CCNY: variants seen among roughly 807,000 people sequenced by gnomAD.
CCNY encodes the protein cyclin-Y.
A neutral mutation model predicts 42.8 loss-of-function variants in CCNY; 19 were observed. The ratio of observed to expected loss-of-function variants is 0.44; its 90% CI spans 0.31 to 0.65. The LOEUF (loss-of-function observed/expected upper bound fraction) is 0.65, where lower values mean the gene tolerates loss of function less well. Among genes scored for constraint, CCNY ranks in the 30% least tolerant of loss-of-function variants. The pLI is 0.07. For missense variants in CCNY, 370 were observed against 437.3 expected (o/e 0.85, Z 1.37); for synonymous variants, 165 against 162.7 (o/e 1.01, Z -0.11).
chr10:35,380,192 G>T (rs1385539879), intron 1 of CCNY, among the ~76,000 whole-genome samples: 3 of 152,246 alleles, frequency 2.0e-5, no homozygotes, highest in Admixed American at 1.3e-4. Context: ...GGATCTGGAA[G>T]TGCTGCTCCC....
At chr10:35,483,195 C>T (rs531187497) in intron 1 of CCNY, among the ~76,000 whole-genome samples, 1 of 152,238 alleles carries the variant, frequency 6.6e-6, no homozygotes, top group Admixed American at 6.5e-5. Flanking sequence ...AGATGTCTAG[C>T]CAACTGTCTA....
chr10:35,374,665 T>G (rs572486126), intron 1 of CCNY, among the ~76,000 whole-genome samples: 1 of 152,330 alleles, frequency 6.6e-6, no homozygotes, highest in African/African-American at 2.4e-5. Context: ...TGTGAACTGT[T>G]TCTTGGTTTG....
chr10:35,555,640 T>A (rs1841348505), intron 8 of CCNY, among the ~76,000 whole-genome samples: 1 of 152,228 alleles, frequency 6.6e-6, no homozygotes, highest in African/African-American at 2.4e-5. Flanking sequence ...CCAGGTGACT[T>A]GACTAGTAAG....
chr10:35,438,327 AT>A (rs869157453), intron 1 of CCNY, among the ~76,000 whole-genome samples: 9 of 148,446 alleles, frequency 6.1e-5, no homozygotes, highest in Middle Eastern at 3.5e-3. Flanking sequence ...TAAAAAAAAA[AT>A]TTTTTTTTTT....
At chr10:35,444,989 TATTTG>T (rs1838759557) in intron 1 of CCNY, among the ~76,000 whole-genome samples, 1 of 152,136 alleles carries the variant, frequency 6.6e-6, no homozygotes, top group African/African-American at 2.4e-5. Context: ...AAATTTTTAG[TATTTG>T]TGGTTTGGCT....
chr10:35,363,799 C>T (rs994983616), intron 1 of CCNY, among the ~76,000 whole-genome samples: 4 of 152,096 alleles, frequency 2.6e-5, no homozygotes, highest in Admixed American at 1.3e-4. Context: ...AGTGAACCAG[C>T]AATATAATTT....
At chr10:35,554,598 C>T (rs1486522509) in intron 8 of CCNY, among the ~76,000 whole-genome samples, 1 of 152,132 alleles carries the variant, frequency 6.6e-6, no homozygotes. Context: ...TCATTTGACA[C>T]TGAACAGCAC....
At chr10:35,408,465 T>G (rs565903141) in intron 1 of CCNY, among the ~76,000 whole-genome samples, 1 of 151,312 alleles carries the variant, frequency 6.6e-6, no homozygotes, top group African/African-American at 2.4e-5. Flanking sequence ...TTAAGAGCAA[T>G]GTTTTGGGGG....
intron 7 of CCNY, among the ~76,000 whole-genome samples, chr10:35,552,478 C>T (rs988551803): frequency 1.3e-5 from 2 of 152,128 alleles, no homozygotes; most frequent in African/African-American, 4.8e-5. Context: ...ATGTGGTAAC[C>T]ACCACACTGC....
intron 3 of CCNY, among the ~76,000 whole-genome samples, chr10:35,255,865 G>C (rs1565053733): frequency 6.6e-6 from 1 of 152,156 alleles, no homozygotes; most frequent in Non-Finnish European, 1.5e-5. Context: ...AAAATACTGG[G>C]ATTACAGGTG....
At chr10:35,477,122 A>C (rs988216197) in intron 1 of CCNY, among the ~76,000 whole-genome samples, 3 of 152,052 alleles carry the variant, frequency 2.0e-5, no homozygotes, top group Non-Finnish European at 2.9e-5. Flanking sequence ...CAATAACAGG[A>C]TCTGAAATTG....
At chr10:35,443,044 G>T (rs1838708605) in intron 1 of CCNY, among the ~76,000 whole-genome samples, 1 of 152,134 alleles carries the variant, frequency 6.6e-6, no homozygotes, top group African/African-American at 2.4e-5. Flanking sequence ...ACATGGAAAA[G>T]GTACAGTAAC....
intron 1 of CCNY, among the ~76,000 whole-genome samples, chr10:35,393,898 G>A (rs1837469031): frequency 6.6e-6 from 1 of 152,086 alleles, no homozygotes. Flanking sequence ...GCGAGACCCT[G>A]TCTCTAAAAA....
chr10:35,334,284 G>A (rs1835980390), upstream of CCNY, among the ~76,000 whole-genome samples: 1 of 152,146 alleles, frequency 6.6e-6, no homozygotes, highest in Admixed American at 6.5e-5. Flanking sequence ...ATTTTATAAT[G>A]AAATAAAAAT....
chr10:35,468,244 C>T (rs561039679), intron 1 of CCNY, among the ~76,000 whole-genome samples: 180 of 152,260 alleles, frequency 1.2e-3, no homozygotes, highest in Non-Finnish European at 1.8e-3. Context: ...TTCATAAGGG[C>T]GCTAATCGCA....
At chr10:35,270,390 A>C (rs1481614346) in intron 3 of CCNY, among the ~76,000 whole-genome samples, 1 of 152,166 alleles carries the variant, frequency 6.6e-6, no homozygotes, top group Non-Finnish European at 1.5e-5. Flanking sequence ...ACAAATAGAA[A>C]AATAGAAGAA....
chr10:35,355,643 A>C (rs1244656432), intron 1 of CCNY, among the ~76,000 whole-genome samples: 1 of 123,978 alleles, frequency 8.1e-6, no homozygotes, highest in East Asian at 2.7e-4. Context: ...GCGCCATTGC[A>C]CTCCAGCCTG....
At chr10:35,328,269 C>T (rs1835901786) in intron 3 of CCNY, among the ~76,000 whole-genome samples, 1 of 152,146 alleles carries the variant, frequency 6.6e-6, no homozygotes. Flanking sequence ...AGTACCATAG[C>T]AAGCAAAGCT....
At chr10:35,497,383 A>C (rs1401003196) in intron 2 of CCNY, among the ~76,000 whole-genome samples, 1 of 152,252 alleles carries the variant, frequency 6.6e-6, no homozygotes, top group Non-Finnish European at 1.5e-5. Context: ...AATTTATTTT[A>C]AAGACAGATT....
Sources: allele counts gnomAD v4.1 joint callset (sites outside exome capture counted in the v4.1 genomes callset), GRCh38; gene constraint gnomAD v4.1.1; transcripts MANE v1.5; gene names NCBI Gene and HGNC (gene_info 2026-07-23, HGNC 2026-07-21).